The following IPO11 variants were observed in gnomAD, a reference collection of about 807,000 sequenced individuals.
IPO11 encodes importin-11.
Under a neutral mutation model 143.2 loss-of-function variants are expected in IPO11, and 66 were observed. That is an observed-to-expected ratio of 0.46 (90% CI 0.38 to 0.57). The LOEUF is 0.57. Among genes scored for constraint, IPO11 ranks in the 20% least tolerant of loss-of-function variants. The pLI is 0.00. For missense variants in IPO11, 1,026 were observed against 1,141.0 expected, an observed-to-expected ratio of 0.90 and a Z score of 1.45; for synonymous variants, 385 against 377.8, an observed-to-expected ratio of 1.02 and a Z score of -0.22.
At chr5:62,531,050 C>T (rs1742525868) in intron 22 of IPO11, among the ~76,000 whole-genome samples, 1 of 152,160 alleles carries the variant, frequency 6.6e-6, no homozygotes. Flanking sequence ...TAGTAGTCTG[C>T]AGTGTCTATT....
chr5:62,434,256 A>G (rs1221426217), intron 1 of IPO11, among the ~76,000 whole-genome samples: 1 of 151,702 alleles, frequency 6.6e-6, no homozygotes, highest in Non-Finnish European at 1.5e-5. Context: ...AGAAGCCTTC[A>G]CTGAATACCC....
At chr5:62,435,151 T>TATGTATATAC (rs1161393552) in intron 1 of IPO11, among the ~76,000 whole-genome samples, 1 of 99,550 alleles carries the variant, frequency 1.0e-5, no homozygotes, top group Non-Finnish European at 2.0e-5. Flanking sequence ...TATGTATATA[T>TATGTATATAC]GTATATATAT....
In IPO11 at chr5:62,451,814, A is replaced by G. The variant is rs1744936694; in HGVS notation, c.397A>G (p.Ile133Val). The G allele has an allele frequency of 2.5e-6, 4 of 1,613,948 alleles. No homozygotes were observed. Among genetic ancestry groups the G allele is most frequent in the South Asian group, 2.2e-5 (2 of 91,082 alleles). The change falls in exon 5 of 30, where the codon ATA becomes GTA. Residue 133 changes from isoleucine to valine, a missense_variant. Transcript: ENST00000325324. ...GTGGCCTGAACTAATTCCCACTCTTATAGAGTCTGTTAAAGTCCAGGATGA... is the reference window on the plus strand; with the variant it reads ...GTGGCCTGAACTAATTCCCACTCTTGTAGAGTCTGTTAAAGTCCAGGATGA... ...RQWPELIPTL[I>V]ESVKVQDDLR...
At chr5:62,514,153 A>G (rs567237690) in intron 19 of IPO11, among the ~76,000 whole-genome samples, 2 of 136,508 alleles carry the variant, frequency 1.5e-5, no homozygotes, top group South Asian at 2.5e-4. Flanking sequence ...GACGATGGGC[A>G]GCCAGGCAGA....
chr5:62,429,503 C>T (rs533562710), intron 1 of IPO11, among the ~76,000 whole-genome samples: 24 of 150,870 alleles, frequency 1.6e-4, no homozygotes, highest in African/African-American at 3.9e-4. Flanking sequence ...CTGCAACCTC[C>T]GCCTCCTGGG....
chr5:62,598,078 C>G (rs1745293982), intron 28 of IPO11, among the ~76,000 whole-genome samples: 1 of 152,144 alleles, frequency 6.6e-6, no homozygotes, highest in Admixed American at 6.5e-5. Context: ...TCAAGGCAAT[C>G]CTTTTCTGGA....
At chr5:62,502,473 A>C (rs1741378463) in intron 16 of IPO11, among the ~76,000 whole-genome samples, 1 of 152,118 alleles carries the variant, frequency 6.6e-6, no homozygotes, top group South Asian at 2.1e-4. Flanking sequence ...ATTTGTCATC[A>C]TTTAAAATGC....
chr5:62,432,416 A>G (rs139206358), intron 1 of IPO11, among the ~76,000 whole-genome samples: 2,250 of 152,272 alleles, frequency 0.015, 50 homozygotes, highest in African/African-American at 0.05. Flanking sequence ...CTGGCTACCC[A>G]TTCTGGGGAG....
chr5:62,462,896 T>TC (rs961816762), intron 5 of IPO11, among the ~76,000 whole-genome samples: 18 of 151,934 alleles, frequency 1.2e-4, no homozygotes, highest in Non-Finnish European at 2.6e-4. Flanking sequence ...TTTTTTTTTT[T>TC]CAGTGAGTCT....
At chr5:62,607,130 G>C (rs999282104) in intron 29 of IPO11, among the ~76,000 whole-genome samples, 2 of 152,156 alleles carry the variant, frequency 1.3e-5, no homozygotes, top group African/African-American at 4.8e-5. Flanking sequence ...AGAGCACAGA[G>C]ATATCTCCCT....
intron 9 of IPO11, 50 bp from the exon 10 acceptor site, chr5:62,483,051 T>C (rs1746266284): frequency 8.4e-7 from 1 of 1,185,074 alleles, no homozygotes; most frequent in Non-Finnish European, 1.2e-6. Flanking sequence ...TATTCCAATA[T>C]GAATTTGGGG....
chr5:62,506,207 A>G, intron 18 of IPO11, 34 bp from the exon 19 acceptor site: 1 of 1,206,238 alleles, frequency 8.3e-7, no homozygotes, highest in Admixed American at 1.8e-5. Flanking sequence ...TTTCTATTAT[A>G]AACCTTTTTT....
chr5:62,524,009 T>A (rs1381421906), intron 20 of IPO11, among the ~76,000 whole-genome samples: 3 of 152,160 alleles, frequency 2.0e-5, no homozygotes, highest in Non-Finnish European at 4.4e-5. Flanking sequence ...TCTCCTTACA[T>A]GTTATGTAAT....
At chr5:62,525,541 G>A (rs1202279570) in intron 20 of IPO11, among the ~76,000 whole-genome samples, 1 of 152,088 alleles carries the variant, frequency 6.6e-6, no homozygotes, top group East Asian at 1.9e-4. Context: ...GCACCACCAT[G>A]CTTGGCTAAC....
chr5:62,432,006 C>T (rs554699951), intron 1 of IPO11, among the ~76,000 whole-genome samples: 6 of 152,118 alleles, frequency 3.9e-5, no homozygotes, highest in Admixed American at 2.0e-4. Context: ...GCACCACTCC[C>T]GTATGTTTTT....
At chr5:62,587,438 A>G (rs1336458080) in intron 27 of IPO11, among the ~76,000 whole-genome samples, 1 of 152,200 alleles carries the variant, frequency 6.6e-6, no homozygotes, top group Admixed American at 6.5e-5. Flanking sequence ...TTAAACGACA[A>G]AAGTATTTGC....
At chr5:62,428,434 C>G (rs903611062) in intron 1 of IPO11, among the ~76,000 whole-genome samples, 2 of 152,108 alleles carry the variant, frequency 1.3e-5, no homozygotes, top group African/African-American at 4.8e-5. Context: ...ACCTCCGCCT[C>G]CCGGGTTCAT....
intron 24 of IPO11, among the ~76,000 whole-genome samples, 182 bp from the exon 25 acceptor site, chr5:62,550,185 A>G (rs1445740778): frequency 2.6e-5 from 4 of 152,334 alleles, no homozygotes; most frequent in East Asian, 1.9e-4. Context: ...TCAAACTGCA[A>G]TTTTAAAATG....
At chr5:62,503,932 T>C (rs577032922) in intron 16 of IPO11, among the ~76,000 whole-genome samples, 159 of 152,338 alleles carry the variant, frequency 1.0e-3, no homozygotes, top group African/African-American at 3.6e-3. Context: ...GTTTTAGATA[T>C]ATTATCTCAC....
Sources: gnomAD v4.1 joint callset for allele counts (sites outside exome capture counted in the v4.1 genomes callset) on GRCh38, gnomAD v4.1.1 for gene constraint, MANE v1.5 for transcripts, NCBI Gene and HGNC (gene_info 2026-07-23, HGNC 2026-07-21) for gene names.